POLQ: variants seen among roughly 807,000 people sequenced by gnomAD.
POLQ encodes epididymis secretory sperm binding protein.
In POLQ, 233 loss-of-function variants were observed where a neutral mutation model predicts 259.2. The ratio of observed to expected loss-of-function variants is 0.90; its 90% confidence interval spans 0.81 to 1.00. The LOEUF is 1.00. Ranked by LOEUF, POLQ falls within the 50% of genes least tolerant of loss-of-function variation. The pLI is 0.00. For synonymous variants in POLQ, 1,025 were observed against 1,048.8 expected (o/e 0.98, Z 0.44); for missense variants, 2,871 against 3,051.6 (o/e 0.94, Z 1.39).
intron 12 of POLQ, among the ~76,000 whole-genome samples, chr3:121,505,775 A>C (rs2048203663): frequency 6.6e-6 from 1 of 151,508 alleles, no homozygotes; most frequent in Non-Finnish European, 1.5e-5. Context: ...TTGGGAGGCC[A>C]AGGCAGGTGG....
intron 15 of POLQ, 81 bp from the exon 16 acceptor site, chr3:121,490,489 GT>G: frequency 8.8e-7 from 1 of 1,136,434 alleles, no homozygotes; most frequent in Non-Finnish European, 1.3e-6. Flanking sequence ...AATCTGAGCT[GT>G]TACCAGGAAC....
chr3:121,536,211 C>A (rs1158222001), intron 5 of POLQ, among the ~76,000 whole-genome samples: 5 of 152,148 alleles, frequency 3.3e-5, no homozygotes, highest in African/African-American at 1.2e-4. Flanking sequence ...GAATAATGAT[C>A]TAAGCAAAAT....
chr3:121,446,898 A>T (rs2047636330), intron 26 of POLQ, among the ~76,000 whole-genome samples: 2 of 152,116 alleles, frequency 1.3e-5, no homozygotes, highest in South Asian at 4.1e-4. Flanking sequence ...TTTTTTAAAA[A>T]ATCTATCCAG....
chr3:121,448,285 T>C (rs887096599), intron 26 of POLQ, among the ~76,000 whole-genome samples: 1 of 152,138 alleles, frequency 6.6e-6, no homozygotes, highest in African/African-American at 2.4e-5. Flanking sequence ...ATAATTCTGC[T>C]ATATTAAGAG....
chr3:121,529,525 C>A, intron 7 of POLQ, 120 bp downstream of exon 7: 1 of 906,830 alleles, frequency 1.1e-6, no homozygotes. Flanking sequence ...AAGGATACCA[C>A]CTAGTGGGCA....
chr3:121,485,413 TATA>T (rs372244378), intron 16 of POLQ, among the ~76,000 whole-genome samples: 1 of 152,204 alleles, frequency 6.6e-6, no homozygotes, highest in African/African-American at 2.4e-5. Flanking sequence ...AAAATAAATC[TATA>T]ATGATTAACG....
At chr3:121,508,607 T>C (rs1359951338) in intron 12 of POLQ, among the ~76,000 whole-genome samples, 2 of 152,216 alleles carry the variant, frequency 1.3e-5, no homozygotes, top group Non-Finnish European at 2.9e-5. Flanking sequence ...GAAACCTGCT[T>C]TGAGATTCCT....
intron 4 of POLQ, among the ~76,000 whole-genome samples, chr3:121,539,112 G>A (rs893997014): frequency 1.3e-5 from 2 of 152,086 alleles, no homozygotes; most frequent in African/African-American, 2.4e-5. Flanking sequence ...ACCACAAAAT[G>A]GCAGATCTGG....
chr3:121,534,879 T>C (rs897034816), intron 5 of POLQ, among the ~76,000 whole-genome samples: 15 of 152,224 alleles, frequency 9.9e-5, no homozygotes, highest in African/African-American at 3.6e-4. Flanking sequence ...GTTATGCTTT[T>C]CTTATAGCTA....
chr3:121,437,411 T>C (rs553362131), intron 27 of POLQ, among the ~76,000 whole-genome samples: 1 of 152,250 alleles, frequency 6.6e-6, no homozygotes, highest in Non-Finnish European at 1.5e-5. Context: ...AAAAAATAAC[T>C]AAATGGCTAA....
intron 26 of POLQ, among the ~76,000 whole-genome samples, chr3:121,442,137 C>T (rs759374625): frequency 6.6e-6 from 1 of 152,046 alleles, no homozygotes; most frequent in Non-Finnish European, 1.5e-5. Flanking sequence ...TTGTACCTTG[C>T]TTTTACATTT....
intron 7 of POLQ, among the ~76,000 whole-genome samples, chr3:121,523,698 G>A (rs2048353856): frequency 6.6e-6 from 1 of 151,844 alleles, no homozygotes; most frequent in South Asian, 2.1e-4. Context: ...CTGGACAACA[G>A]AGCAAGACCC....
chr3:121,545,784 G>A lies in POLQ; in HGVS notation c.94C>T (p.Gln32Ter). Reference sequence around the variant, plus strand: ...CTCAGCACGGACCCGGAGAGGAACTGGGGGCTGGCACTGCTGTCACCGCCG... The same window carrying A: ...CTCAGCACGGACCCGGAGAGGAACTAGGGGCTGGCACTGCTGTCACCGCCG... ...GSGGDSSASPQFLSGSVLSPP... is the reference protein window; with the variant it reads ...GSGGDSSASP Residue 32 changes from glutamine (Q) to a stop codon, truncating the protein, a stop_gained, in exon 1 of 30, where the codon CAG (glutamine) becomes TAG (stop). Coordinates refer to ENST00000264233, the MANE Select transcript of POLQ (RefSeq NM_199420.4). LOFTEE classifies it high-confidence loss of function. 6.2e-7 allele frequency: 1 copy of A among 1,610,438 alleles called. No individual in the cohort carries two copies. The highest frequency in any genetic ancestry group is 8.5e-7 in the Non-Finnish European group (1 of 1,178,626).
At position 121,539,499 on chromosome 3, in the gene POLQ, A is replaced by T. The variant is rs764547823; in HGVS notation, c.565T>A (p.Cys189Ser). Residue 189 changes from cysteine to serine, a missense_variant, in exon 4 of 30, where the codon TGC (cysteine) becomes AGC (serine). Transcript: ENST00000264233. Reference sequence around the variant, plus strand: ...AGACCATTGGCTCTCTCAATTGTGCAGACTGCAATATCCAATGAAGAGAAA... The same window carrying T: ...AGACCATTGGCTCTCTCAATTGTGCTGACTGCAATATCCAATGAAGAGAAA... ...RHFSSLDIAV[C>S]TIERANGLIN... is the part of the protein sequence containing the mutation. 6.2e-7 allele frequency: 1 copy of T among 1,613,224 alleles called. No individual in the cohort carries two copies. Among genetic ancestry groups the T allele is most frequent in the South Asian group, 1.1e-5 (1 of 91,042 alleles).
At chr3:121,477,194 G>A (rs922974678) in intron 19 of POLQ, among the ~76,000 whole-genome samples, 36 of 152,122 alleles carry the variant, frequency 2.4e-4, no homozygotes, top group African/African-American at 8.7e-4. Flanking sequence ...TTTATTCAGC[G>A]TCTCTAAAGG....
At chr3:121,467,463 G>T (rs556827569) in intron 24 of POLQ, 56 bp downstream of exon 24, 3 of 1,577,356 alleles carry the variant, frequency 1.9e-6, no homozygotes, top group Non-Finnish European at 2.6e-6. Flanking sequence ...CTTTATCCAT[G>T]CTTTGAAAAA....
In POLQ at chr3:121,433,040, C is replaced by T; in HGVS notation, c.7544-7G>A. 2 of 1,541,130 alleles carry T rather than the reference C, an allele frequency of 1.3e-6. No homozygotes were observed. The highest frequency in any genetic ancestry group is 1.8e-6 in the Non-Finnish European group (2 of 1,113,620). On this transcript the variant is annotated splice_polypyrimidine_tract_variant and splice_region_variant and intron_variant, in intron 28 of 29. Coordinates refer to ENST00000264233, the MANE Select transcript of POLQ (RefSeq NM_199420.4). ...TTTCTCTTTCGTGACAATCCTACTT[C>T]ATGAAAAAGGAGCAAAACTGATCAG...
chr3:121,533,260 A>T, intron 5 of POLQ, 51 bp from the exon 6 acceptor site: 1 of 1,181,026 alleles, frequency 8.5e-7, no homozygotes, highest in Non-Finnish European at 1.2e-6. Flanking sequence ...ATACATTAAT[A>T]ATTAGTGTTG....
intron 10 of POLQ, among the ~76,000 whole-genome samples, chr3:121,510,599 AT>A (rs1398117248): frequency 2.0e-5 from 3 of 151,616 alleles, no homozygotes; most frequent in Admixed American, 6.6e-5. Context: ...AAAAAAAAAA[AT>A]AAATAAAACA....
Sources: gnomAD v4.1 joint callset for allele counts (sites outside exome capture counted in the v4.1 genomes callset) on GRCh38, gnomAD v4.1.1 for gene constraint, MANE v1.5 for transcripts, NCBI Gene and HGNC (gene_info 2026-07-23, HGNC 2026-07-21) for gene names.